STPG2: variants seen among roughly 807,000 people sequenced by gnomAD.
STPG2 encodes the protein sperm tail PG-rich repeat containing 2.
In STPG2, 56 loss-of-function variants were observed where a neutral mutation model predicts 54.2. The ratio of observed to expected loss-of-function variants is 1.03; its 90% CI spans 0.83 to 1.29. The LOEUF (loss-of-function observed/expected upper bound fraction) is 1.29. Ranked by LOEUF, STPG2 falls within the 50% of genes most tolerant of loss-of-function variation. The probability of loss-of-function intolerance (pLI) is 0.00; values close to 1 mark genes in which losing one functional copy is unlikely to be tolerated. For missense variants in STPG2, 596 were observed against 544.9 expected, an observed-to-expected ratio of 1.09 and a Z score of -0.93; for synonymous variants, 200 against 181.8, an observed-to-expected ratio of 1.10 and a Z score of -0.81.
At chr4:97,764,153 C>A (rs1185879928) in intron 9 of STPG2, among the ~76,000 whole-genome samples, 1 of 150,944 alleles carries the variant, frequency 6.6e-6, no homozygotes, top group Non-Finnish European at 1.5e-5. Flanking sequence ...GAGGCACAGA[C>A]AGACACACAC....
At chr4:97,578,556 C>A (rs1732781742) in intron 10 of STPG2, among the ~76,000 whole-genome samples, 1 of 151,134 alleles carries the variant, frequency 6.6e-6, no homozygotes, top group African/African-American at 2.4e-5. Context: ...TTGATGTCTG[C>A]ATAGAATTGG....
chr4:97,904,708 A>G (rs1731332284), intron 8 of STPG2, among the ~76,000 whole-genome samples: 1 of 152,168 alleles, frequency 6.6e-6, no homozygotes, highest in East Asian at 1.9e-4. Context: ...GAAAACTTTG[A>G]AAAAAATTTA....
intron 4 of STPG2, among the ~76,000 whole-genome samples, chr4:97,480,444 C>A (rs1730190474): frequency 6.6e-6 from 1 of 151,478 alleles, no homozygotes; most frequent in South Asian, 2.1e-4. Flanking sequence ...GGAGACAGAC[C>A]TCCTTATCTC....
chr4:97,772,664 C>A (rs1230129120), intron 9 of STPG2, among the ~76,000 whole-genome samples: 1 of 152,040 alleles, frequency 6.6e-6, no homozygotes, highest in South Asian at 2.1e-4. Context: ...TTTATTTAGA[C>A]CATGAGTCCT....
chr4:97,896,531 A>T lies in STPG2; in HGVS notation c.1044+47366T>A, dbSNP rs541674600. Among the ~76,000 whole-genome samples the T allele has an allele frequency of 5.3e-5, 8 of 151,862 alleles. No individual in the cohort carries two copies. In the South Asian group the frequency reaches 1.2e-3, roughly 24 times the overall value. On this transcript the variant is annotated intron_variant, in intron 8 of 10. Coordinates refer to ENST00000295268, the MANE Select transcript of STPG2 (RefSeq NM_174952.3). ...ATTTAAAAAATTAAACCTGTGAGAG[A>T]TATGGCTAAAAAAATCTATGTTACT...
chr4:97,842,361 T>C (rs1382339215), intron 8 of STPG2, among the ~76,000 whole-genome samples: 2 of 151,880 alleles, frequency 1.3e-5, no homozygotes, highest in Non-Finnish European at 2.9e-5. Flanking sequence ...AATATTTCCA[T>C]GGATTATTTG....
intron 9 of STPG2, among the ~76,000 whole-genome samples, chr4:97,747,805 C>A (rs973100940): frequency 6.6e-6 from 1 of 151,436 alleles, no homozygotes; most frequent in Admixed American, 6.6e-5. Flanking sequence ...TCTTGTTCAA[C>A]AATCATTGCT....
intron 4 of STPG2, among the ~76,000 whole-genome samples, chr4:97,514,308 G>A (rs1253580247): frequency 6.6e-6 from 1 of 152,086 alleles, no homozygotes; most frequent in African/African-American, 2.4e-5. Flanking sequence ...AGATGAATGA[G>A]AAAGGAGTCT....
chr4:97,691,612 AAGACT>A (rs1224487432), intron 10 of STPG2, among the ~76,000 whole-genome samples: 1 of 152,168 alleles, frequency 6.6e-6, no homozygotes, highest in East Asian at 1.9e-4. Context: ...CACAAGAAAA[AAGACT>A]TAATCCCTTG....
At chr4:97,749,530 A>T (rs1250112686) in intron 9 of STPG2, among the ~76,000 whole-genome samples, 1 of 151,790 alleles carries the variant, frequency 6.6e-6, no homozygotes, top group African/African-American at 2.4e-5. Context: ...TTAAGTGAAT[A>T]TACTTTATTA....
At chr4:97,671,751 C>T (rs1269935679) in intron 10 of STPG2, among the ~76,000 whole-genome samples, 1 of 152,106 alleles carries the variant, frequency 6.6e-6, no homozygotes, top group African/African-American at 2.4e-5. Flanking sequence ...CTAAAATTCT[C>T]TGTGCTTCAA....
intron 10 of STPG2, among the ~76,000 whole-genome samples, chr4:97,585,991 A>G (rs948241971): frequency 2.6e-5 from 4 of 151,996 alleles, no homozygotes. Context: ...AACCATAAAG[A>G]GAAAAGACTG....
intron 5 of STPG2, among the ~76,000 whole-genome samples, chr4:98,022,679 T>A (rs557477800): frequency 3.3e-5 from 5 of 152,322 alleles, no homozygotes; most frequent in Admixed American, 3.3e-4. Flanking sequence ...TTTGGTCTTT[T>A]CACATAGTCC....
At chr4:97,831,195 A>G (rs1728447028) in intron 9 of STPG2, among the ~76,000 whole-genome samples, 1 of 152,208 alleles carries the variant, frequency 6.6e-6, no homozygotes, top group Non-Finnish European at 1.5e-5. Flanking sequence ...AGTGCAATCA[A>G]ACTAGAACTC....
At chr4:97,658,556 G>T (rs1722283811) in intron 10 of STPG2, among the ~76,000 whole-genome samples, 2 of 152,126 alleles carry the variant, frequency 1.3e-5, no homozygotes, top group East Asian at 1.9e-4. Context: ...TGTTTTGTTG[G>T]AAGAGTTTAG....
intron 8 of STPG2, among the ~76,000 whole-genome samples, chr4:97,870,138 G>T (rs971977891): frequency 1.3e-5 from 2 of 151,180 alleles, no homozygotes; most frequent in Non-Finnish European, 3.0e-5. Flanking sequence ...ATATCCTAAG[G>T]GATTAAAATT....
chr4:97,864,567 C>T (rs1578636197), intron 8 of STPG2, among the ~76,000 whole-genome samples: 1 of 152,130 alleles, frequency 6.6e-6, no homozygotes, highest in African/African-American at 2.4e-5. Context: ...CAATGACTTT[C>T]TTCACAGAAT....
intron 10 of STPG2, among the ~76,000 whole-genome samples, chr4:97,637,244 C>T (rs1721579939): frequency 1.3e-5 from 2 of 152,214 alleles, no homozygotes; most frequent in Non-Finnish European, 2.9e-5. Flanking sequence ...ACAAAAACCA[C>T]ATGATTATCT....
At chr4:97,855,493 T>C (rs1255516816) in intron 8 of STPG2, among the ~76,000 whole-genome samples, 1 of 152,174 alleles carries the variant, frequency 6.6e-6, no homozygotes, top group Non-Finnish European at 1.5e-5. Flanking sequence ...TCTGTTCATG[T>C]CCTTCGCCTA....
Sources: allele counts gnomAD v4.1 joint callset (sites outside exome capture counted in the v4.1 genomes callset), GRCh38; gene constraint gnomAD v4.1.1; transcripts MANE v1.5; gene names NCBI Gene and HGNC (gene_info 2026-07-23, HGNC 2026-07-21).